SNCB: variants seen among roughly 807,000 people sequenced by gnomAD.
SNCB encodes beta-synuclein.
SNCB carries 8 observed loss-of-function variants against 20.0 expected under a neutral mutation model. The observed-to-expected ratio is 0.40, with a 90% CI of 0.24 to 0.72. The LOEUF (loss-of-function observed/expected upper bound fraction) is 0.72. Ranked by LOEUF, SNCB falls within the 30% of genes least tolerant of loss-of-function variation. The pLI is 0.37. For synonymous variants in SNCB, 56 were observed against 65.4 expected (o/e 0.86, Z 0.69); for missense variants, 125 against 168.0 (o/e 0.74, Z 1.41).
In SNCB at chr5:176,621,115, G is replaced by A. The variant is rs1336603825; in HGVS notation, c.372+99C>T. ...CTAGAAGAGGGATGTCAAGCTCCCT[G>A]GCCCAACCATCTCATGCCAGGGATG... On this transcript the variant is annotated intron_variant, in intron 5 of 5. Coordinates refer to ENST00000393693, the MANE Select transcript of SNCB (RefSeq NM_003085.5). The surrounding 1 kb of genome is among the most constrained non-coding windows in gnomAD (Gnocchi z 4.1). 5.7e-5 allele frequency: 58 copies of A among 1,012,958 alleles called. No homozygotes were observed. Among genetic ancestry groups the A allele is most frequent in the Non-Finnish European group, 8.7e-5 (57 of 656,826 alleles). The allele number at this position is 1,012,958 out of a possible 1,614,324, so 62.7% of individuals were successfully genotyped here. A position where few individuals can be genotyped will look rare whatever the true frequency, so the allele number is the denominator to read the frequency against.
intron 2 of SNCB, among the ~76,000 whole-genome samples, chr5:176,628,600 C>T (rs1760124126): frequency 6.6e-6 from 1 of 152,132 alleles, no homozygotes; most frequent in Non-Finnish European, 1.5e-5. Context: ...TCCTGCCCTG[C>T]CCCCAGCTCA....
chr5:176,630,517 C>CGGCG lies in SNCB; in HGVS notation c.-251_-248dup, dbSNP rs1339321489. 22 of 153,646 alleles carry CGGCG rather than the reference C, an allele frequency of 1.4e-4. No individual in the cohort carries two copies. Among genetic ancestry groups the CGGCG allele is most frequent in the South Asian group, 7.4e-4 (4 of 5,372 alleles). The allele number at this position is 153,646 out of a possible 1,614,324, so 9.5% of individuals were successfully genotyped here. A position where few individuals can be genotyped will look rare whatever the true frequency, so the allele number is the denominator to read the frequency against. Reference sequence around the variant, plus strand: ...CGCGCTCCGGCTCCGGCTCCGGCTCCGGCGCTGCGGCAGCTCTGAGCTCAG... The same window carrying CGGCG: ...CGCGCTCCGGCTCCGGCTCCGGCTCCGGCGGGCGCTGCGGCAGCTCTGAGCTCAG... On this transcript the variant is annotated 5_prime_UTR_variant, in exon 1 of 6. Transcript: ENST00000393693.
At chr5:176,630,143 A>C (rs1200278755) in intron 1 of SNCB, 137 bp downstream of exon 1, 1 of 154,048 alleles carries the variant, frequency 6.5e-6, no homozygotes, top group Non-Finnish European at 1.4e-5. Context: ...GCATACTCAC[A>C]TACTCCGGGG....
chr5:176,626,449 G>C lies in SNCB; in HGVS notation c.231C>G (p.Ile77Met). ...TCTTCACCAGTCCTGTGGCTGCTGC[G>C]ATGTTCCCTGCCCCAGAGAACACAG... ...GGAVFSGAGN[I>M]AAATGLVKRE... Residue 77 changes from isoleucine to methionine, a missense_variant, in exon 4 of 6, where the codon ATC becomes ATG. By Grantham distance (10) the Ile-to-Met change is conservative. Transcript: ENST00000393693. The surrounding 1 kb of genome is among the most constrained non-coding windows in gnomAD (Gnocchi z 4.2). The C allele has an allele frequency of 1.9e-6, 3 of 1,613,992 alleles. No homozygotes were observed. Among genetic ancestry groups the C allele is most frequent in the Non-Finnish European group, 1.7e-6 (2 of 1,179,964 alleles).
In SNCB at chr5:176,626,781, C is replaced by T. The variant is rs1759985755; in HGVS notation, c.122-20G>A. The T allele has an allele frequency of 2.5e-6, 4 of 1,614,074 alleles. No individual in the cohort carries two copies. The highest frequency in any genetic ancestry group is 3.4e-6 in the Non-Finnish European group (4 of 1,179,918). ...TGCTTCCTGCAGGGAGAAAAAGCGG[C>T]ACATTTAAGGACTCTGCGCTGAGGG... is the stretch of plus-strand genomic sequence containing the variant. On this transcript the variant is annotated intron_variant, in intron 2 of 5. Coordinates refer to ENST00000393693, the MANE Select transcript of SNCB (RefSeq NM_003085.5). This position sits in a 1 kb window ranked among gnomAD's most constrained non-coding sequence, Gnocchi z 4.2.
rs1047211573 is a variant in SNCB at position 176,629,150 on chromosome 5, A to G, written c.121+384T>C. The stretch of plus-strand genomic sequence containing the variant: ...GAAGCCCAGTTTCCCTTACCTGTAG[A>G]ATGGGCCGAAGCATTACATGAGGAA... On this transcript the variant is annotated intron_variant, in intron 2 of 5. Transcript: ENST00000393693. This position sits in a 1 kb window ranked among gnomAD's most constrained non-coding sequence, Gnocchi z 4.1. Among the ~76,000 whole-genome samples, 27 of 152,328 alleles carry G rather than the reference A, an allele frequency of 1.8e-4. No homozygotes were observed. Among genetic ancestry groups the G allele is most frequent in the Admixed American group, 5.9e-4 (9 of 15,300 alleles).
At chr5:176,628,209 G>C (rs1760095619) in intron 2 of SNCB, among the ~76,000 whole-genome samples, 1 of 152,182 alleles carries the variant, frequency 6.6e-6, no homozygotes, top group African/African-American at 2.4e-5. Context: ...CTAAGGGGAA[G>C]AGCAGCATGG....
chr5:176,621,291 C>T lies in SNCB; in HGVS notation c.295G>A (p.Ala99Thr). The T allele has an allele frequency of 6.2e-7, 1 of 1,613,464 alleles. No individual in the cohort carries two copies. Among genetic ancestry groups the T allele is most frequent in the East Asian group, 2.2e-5 (1 of 44,872 alleles). The change falls in exon 5 of 6, where the codon GCC (alanine) becomes ACC (threonine). Residue 99 changes from alanine to threonine, a missense_variant. Physicochemically the swap from Ala to Thr is moderately conservative, Grantham distance 58. Transcript: ENST00000393693. The surrounding 1 kb of genome is among the most constrained non-coding windows in gnomAD (Gnocchi z 4.1). ...AGTGGTTCTTCAGCAGCTTCCTGGGCCACTTCCTCTGGCTGTGGGCAGAAA... is the reference window on the plus strand; with the variant it reads ...AGTGGTTCTTCAGCAGCTTCCTGGGTCACTTCCTCTGGCTGTGGGCAGAAA... The part of the protein sequence containing the change: ...FPTDLKPEEV[A>T]QEAAEEPLIE...
Position 176,629,660 on chromosome 5 carries a change from C to CG in SNCB, c.-7dup. 6.2e-7 allele frequency: 1 copy of CG among 1,612,970 alleles called. No individual in the cohort carries two copies. Among genetic ancestry groups the CG allele is most frequent in the Non-Finnish European group, 8.5e-7 (1 of 1,179,410 alleles). The stretch of plus-strand genomic sequence containing the variant: ...CCCTTCATGAACACGTCCATCCTGG[C>CG]GGCCTGGGGAGGGCGATACACGGGC... On this transcript the variant is annotated 5_prime_UTR_variant, in exon 2 of 6. Transcript: ENST00000393693. The surrounding 1 kb of genome is among the most constrained non-coding windows in gnomAD (Gnocchi z 4.1).
rs1297645402 is a variant in SNCB, at chr5:176,626,460, C to A, written c.220G>T (p.Ala74Ser). The A allele has an allele frequency of 2.5e-6, 4 of 1,613,920 alleles. No individual in the cohort carries two copies. The highest frequency in any genetic ancestry group is 3.4e-6 in the Non-Finnish European group (4 of 1,179,990). ...CCTGTGGCTGCTGCGATGTTCCCTG[C>A]CCCAGAGAACACAGCTCCTCCCAGA... ...SHLGGAVFSGAGNIAAATGLV... is the reference protein window; with the variant it reads ...SHLGGAVFSGSGNIAAATGLV... Residue 74 changes from alanine (A) to serine (S), a missense_variant, in exon 4 of 6, where the codon GCA becomes TCA. Coordinates refer to ENST00000393693, the MANE Select transcript of SNCB (RefSeq NM_003085.5). This position sits in a 1 kb window ranked among gnomAD's most constrained non-coding sequence, Gnocchi z 4.2.
In SNCB at chr5:176,629,579, C is replaced by A; in HGVS notation, c.76G>T (p.Val26Phe). Residue 26 changes from valine to phenylalanine, a missense_variant, in exon 2 of 6, where the codon GTC becomes TTC. By Grantham distance (50) the Val-to-Phe change is conservative. Coordinates refer to ENST00000393693, the MANE Select transcript of SNCB (RefSeq NM_003085.5). This position sits in a 1 kb window ranked among gnomAD's most constrained non-coding sequence, Gnocchi z 4.1. The stretch of plus-strand genomic sequence containing the variant: ...TTGGTCTTCTCCGCCGCCTCGGTGA[C>A]CCCCTGCTTGGTTTTCTCCGCGGCT... ...VAAAEKTKQG[V>F]TEAAEKTKEG... 6.2e-7 allele frequency: 1 copy of A among 1,613,628 alleles called. No individual in the cohort carries two copies. Among genetic ancestry groups the A allele is most frequent in the Non-Finnish European group, 8.5e-7 (1 of 1,179,826 alleles).
At chr5:176,624,278 C>T (rs1189693660) in intron 4 of SNCB, among the ~76,000 whole-genome samples, 1 of 152,232 alleles carries the variant, frequency 6.6e-6, no homozygotes, top group African/African-American at 2.4e-5. Context: ...ATGGCCTGAG[C>T]TTATCCTCCT....
chr5:176,621,714 G>T lies in SNCB; in HGVS notation c.283-411C>A, dbSNP rs542319996. 3.3e-5 allele frequency among the ~76,000 whole-genome samples: 5 copies of T among 152,334 alleles called. No individual in the cohort carries two copies. In the South Asian group the frequency reaches 6.2e-4, roughly 19 times the overall value. ...GGCTCAGGGACAGGGCTGGGCAGGGGCTCTGAGCCATTCCCCCGCCACCTT... is the reference window on the plus strand; with the variant it reads ...GGCTCAGGGACAGGGCTGGGCAGGGTCTCTGAGCCATTCCCCCGCCACCTT... On this transcript the variant is annotated intron_variant, in intron 4 of 5. Transcript: ENST00000393693. The surrounding 1 kb of genome is among the most constrained non-coding windows in gnomAD (Gnocchi z 4.1).
At chr5:176,622,475 G>GTGAGAC in intron 4 of SNCB, among the ~76,000 whole-genome samples, 2 of 137,486 alleles carry the variant, frequency 1.5e-5, no homozygotes, top group Non-Finnish European at 3.1e-5. Flanking sequence ...AGGTAACAGA[G>GTGAGAC]TGAGACTCCA....
intron 4 of SNCB, among the ~76,000 whole-genome samples, chr5:176,622,735 T>C (rs1272125157): frequency 3.5e-5 from 3 of 85,068 alleles, no homozygotes; most frequent in Non-Finnish European, 7.0e-5. Flanking sequence ...ATGATGACTT[T>C]TTTTTTTTTT....
In SNCB at chr5:176,629,226, C is replaced by T. The variant is rs897437649; in HGVS notation, c.121+308G>A. 7.2e-5 allele frequency among the ~76,000 whole-genome samples: 11 copies of T among 152,308 alleles called. No homozygotes were observed. The highest frequency in any genetic ancestry group is 4.1e-4 in the South Asian group (2 of 4,824). On this transcript the variant is annotated intron_variant, in intron 2 of 5. Transcript: ENST00000393693. This position sits in a 1 kb window ranked among gnomAD's most constrained non-coding sequence, Gnocchi z 4.1. ...TACTTGGCATACAGAAAGTGTTCAA[C>T]ACCAGATAACTATTAATAATGGTAA...
chr5:176,629,192 T>C lies in SNCB; in HGVS notation c.121+342A>G, dbSNP rs1039909607. On this transcript the variant is annotated intron_variant, in intron 2 of 5. Coordinates refer to ENST00000393693, the MANE Select transcript of SNCB (RefSeq NM_003085.5). The surrounding 1 kb of genome is among the most constrained non-coding windows in gnomAD (Gnocchi z 4.1). ...CATGAGGAAATGGATGTTATGACAT[T>C]TTACCCAGTACTTGGCATACAGAAA... is the stretch of plus-strand genomic sequence containing the variant. Among the ~76,000 whole-genome samples the C allele has an allele frequency of 1.8e-4, 27 of 152,074 alleles. No homozygotes were observed. Among genetic ancestry groups the C allele is most frequent in the Admixed American group, 1.4e-3 (22 of 15,278 alleles).
chr5:176,625,748 G>C (rs1759901405), intron 4 of SNCB, among the ~76,000 whole-genome samples: 1 of 152,198 alleles, frequency 6.6e-6, no homozygotes. Flanking sequence ...ACCTGCCTCA[G>C]GGCCTTGGTA....
chr5:176,627,549 C>T (rs1352794142), intron 2 of SNCB, among the ~76,000 whole-genome samples: 2 of 152,098 alleles, frequency 1.3e-5, no homozygotes, highest in Non-Finnish European at 2.9e-5. Flanking sequence ...CTGATCTGGG[C>T]TGGAGGATGA....
Sources: gnomAD v4.1 joint callset for allele counts (sites outside exome capture counted in the v4.1 genomes callset) on GRCh38, gnomAD v4.1.1 for gene constraint, Gnocchi (gnomAD v3.1) non-coding constraint, MANE v1.5 for transcripts, NCBI Gene and HGNC (gene_info 2026-07-23, HGNC 2026-07-21) for gene names.